GRHL2: variants seen among roughly 807,000 people sequenced by gnomAD.
GRHL2 encodes the protein grainyhead like transcription factor 2.
In GRHL2, 21 loss-of-function variants were observed where a neutral mutation model predicts 83.8. That is an observed-to-expected ratio of 0.25 (90% CI 0.18 to 0.36). GRHL2 has a LOEUF of 0.36. Among genes scored for constraint, GRHL2 ranks in the 10% least tolerant of loss-of-function variants. The pLI, the probability that GRHL2 is intolerant of heterozygous loss-of-function variation, is 1.00. For synonymous variants in GRHL2, 280 were observed against 278.9 expected (o/e 1.00, Z -0.04); for missense variants, 623 against 781.8 (o/e 0.80, Z 2.42).
chr8:101,623,041 G>A (rs569751786), intron 9 of GRHL2, among the ~76,000 whole-genome samples: 1 of 152,366 alleles, frequency 6.6e-6, no homozygotes, highest in South Asian at 2.1e-4. Context: ...TAAAGGTGCT[G>A]CAGTCAGTTG....
chr8:101,606,050 C>T (rs930485574), intron 8 of GRHL2, among the ~76,000 whole-genome samples: 10 of 152,138 alleles, frequency 6.6e-5, no homozygotes, highest in African/African-American at 2.4e-4. Flanking sequence ...AAGCACAGCA[C>T]TGAGAAATTT....
At chr8:101,602,037 T>C (rs1664954779) in intron 8 of GRHL2, among the ~76,000 whole-genome samples, 1 of 152,344 alleles carries the variant, frequency 6.6e-6, no homozygotes, top group South Asian at 2.1e-4. Flanking sequence ...CCATGTGTTC[T>C]CATTGTTCAG....
intron 12 of GRHL2, among the ~76,000 whole-genome samples, chr8:101,643,629 G>A (rs563844871): frequency 1.3e-5 from 2 of 152,358 alleles, no homozygotes; most frequent in African/African-American, 4.8e-5. Flanking sequence ...GCCAGAGGGA[G>A]AGGTGGAATG....
chr8:101,576,378 C>T (rs888163025), intron 6 of GRHL2, among the ~76,000 whole-genome samples: 1 of 152,028 alleles, frequency 6.6e-6, no homozygotes, highest in African/African-American at 2.4e-5. Flanking sequence ...CCATGCCTGG[C>T]TTTTTATTTT....
intron 13 of GRHL2, among the ~76,000 whole-genome samples, chr8:101,646,741 T>C (rs1753597352): frequency 6.6e-6 from 1 of 152,252 alleles, no homozygotes; most frequent in Non-Finnish European, 1.5e-5. Context: ...TGTGGCCACC[T>C]GCCTTTGGCT....
intron 1 of GRHL2, among the ~76,000 whole-genome samples, chr8:101,516,564 C>T (rs561145): frequency 0.37 from 56,699 of 151,814 alleles, 12,253 homozygotes; most frequent in Non-Finnish European, 0.49. Context: ...ACTACAGGCA[C>T]ATGCCACCAT....
rs1386979744 is a variant in GRHL2, at chr8:101,668,399, G to A, written c.*1696G>A. The A allele has an allele frequency of 6.5e-6, 1 of 152,756 alleles. No individual in the cohort carries two copies. Among genetic ancestry groups the A allele is most frequent in the East Asian group, 1.9e-4 (1 of 5,192 alleles). The allele number at this position is 152,756 out of a possible 1,614,324, so 9.5% of individuals were successfully genotyped here. A position where few individuals can be genotyped will look rare whatever the true frequency, so the allele number is the denominator to read the frequency against. On this transcript the variant is annotated 3_prime_UTR_variant, in exon 16 of 16. Transcript: ENST00000646743. ...TCCCTGAGATGCAGAGCAGGATGGAGGGTCTGCTTCTAGCTCAGCTGTTTC... is the reference window on the plus strand; with the variant it reads ...TCCCTGAGATGCAGAGCAGGATGGAAGGTCTGCTTCTAGCTCAGCTGTTTC...
At chr8:101,545,870 ATTTTTTTTTTTTTTTTT>A (rs1174568425) in intron 2 of GRHL2, among the ~76,000 whole-genome samples, 1 of 83,620 alleles carries the variant, frequency 1.2e-5, no homozygotes, top group African/African-American at 4.8e-5. Flanking sequence ...TCTTTGTAAC[ATTTTTTTTTTTTTTTTT>A]TTTTTTTTTT....
chr8:101,542,382 C>T lies in GRHL2; in HGVS notation c.21-859C>T, dbSNP rs1009801247. On this transcript the variant is annotated intron_variant, in intron 1 of 15. Coordinates refer to ENST00000646743, the MANE Select transcript of GRHL2 (RefSeq NM_024915.4). ...CCTGAGGTCAGGAGTTTGAGAACAG[C>T]CGTCTCTACTAAAAATACAAAAATT... Among the ~76,000 whole-genome samples, 6 of 151,884 alleles carry T rather than the reference C, an allele frequency of 4.0e-5. No homozygotes were observed. In the East Asian group the frequency reaches 1.2e-3, roughly 29 times the overall value.
At chr8:101,619,393 T>G in intron 8 of GRHL2, 146 bp from the exon 9 acceptor site, 2 of 681,436 alleles carry the variant, frequency 2.9e-6, no homozygotes, top group Non-Finnish European at 2.6e-6. Flanking sequence ...ATGCTCAGCA[T>G]GTTTTTATGT....
chr8:101,650,341 C>T (rs910285336), intron 14 of GRHL2, among the ~76,000 whole-genome samples: 4 of 152,128 alleles, frequency 2.6e-5, no homozygotes, highest in South Asian at 4.1e-4. Flanking sequence ...TTGTAGTAAT[C>T]GGGACTTCAC....
chr8:101,547,159 T>C (rs749671550), intron 2 of GRHL2, among the ~76,000 whole-genome samples: 1 of 152,246 alleles, frequency 6.6e-6, no homozygotes, highest in African/African-American at 2.4e-5. Flanking sequence ...GTTAAAGTTA[T>C]AACAAAGTTA....
At chr8:101,681,078 G>T in the GRHL2 span, among the ~76,000 whole-genome samples, 9 of 143,332 alleles carry the variant, frequency 6.3e-5, 1 homozygote. Flanking sequence ...ACTAAAATCA[G>T]AGCAGAACTG....
At chr8:101,598,698 C>G (rs1163823415) in intron 7 of GRHL2, among the ~76,000 whole-genome samples, 1 of 147,802 alleles carries the variant, frequency 6.8e-6, no homozygotes, top group East Asian at 2.0e-4. Context: ...GTACTTCTAG[C>G]AAAATTAAGT....
intron 1 of GRHL2, among the ~76,000 whole-genome samples, chr8:101,506,816 A>G (rs1468877057): frequency 2.3e-5 from 3 of 131,718 alleles, no homozygotes; most frequent in African/African-American, 2.9e-5. Context: ...TGACAATTGT[A>G]ATTTGTTTAT....
intron 3 of GRHL2, 147 bp from the exon 4 acceptor site, chr8:101,558,272 T>A: frequency 2.3e-6 from 2 of 867,110 alleles, no homozygotes; most frequent in South Asian, 1.6e-5. Flanking sequence ...AAGGATCCCA[T>A]TGCGTTTCGT....
At chr8:101,585,126 C>T (rs927304859) in intron 7 of GRHL2, among the ~76,000 whole-genome samples, 1 of 152,360 alleles carries the variant, frequency 6.6e-6, no homozygotes, top group African/African-American at 2.4e-5. Context: ...GTGGCCCAAA[C>T]AGGCCTGGGA....
chr8:101,677,976 A>G, the GRHL2 span, among the ~76,000 whole-genome samples: 5 of 152,274 alleles, frequency 3.3e-5, no homozygotes, highest in East Asian at 7.7e-4. Flanking sequence ...CTTACAAAAC[A>G]TAAGACTCAA....
intron 1 of GRHL2, among the ~76,000 whole-genome samples, chr8:101,541,145 ATGGTG>A (rs1811144543): frequency 9.0e-6 from 1 of 111,086 alleles, no homozygotes; most frequent in Non-Finnish European, 1.9e-5. Context: ...GTACTATTTC[ATGGTG>A]TGTGTGTGTG....
Sources: gnomAD v4.1 joint callset for allele counts (sites outside exome capture counted in the v4.1 genomes callset) on GRCh38, gnomAD v4.1.1 for gene constraint, MANE v1.5 for transcripts, NCBI Gene and HGNC (gene_info 2026-07-23, HGNC 2026-07-21) for gene names.